Variants in TSKS observed in about 807,000 individuals in gnomAD.
The protein encoded by TSKS is testis specific serine kinase substrate.
Under a neutral mutation model 68.0 loss-of-function variants are expected in TSKS, and 27 were observed. The observed-to-expected ratio is 0.40, with a 90% CI of 0.29 to 0.55. The LOEUF is 0.55. Ranked by LOEUF, TSKS falls within the 20% of genes least tolerant of loss-of-function variation. The probability of loss-of-function intolerance (pLI) is 0.53; values close to 1 mark genes in which losing one functional copy is unlikely to be tolerated. For missense variants in TSKS, 806 were observed against 776.0 expected, an observed-to-expected ratio of 1.04 and a Z score of -0.46; for synonymous variants, 331 against 340.4, an observed-to-expected ratio of 0.97 and a Z score of 0.30.
At chr19:49,743,203 C>G (rs1600186962) in intron 8 of TSKS, among the ~76,000 whole-genome samples, 1 of 151,698 alleles carries the variant, frequency 6.6e-6, no homozygotes, top group Non-Finnish European at 1.5e-5. Flanking sequence ...CTCAGCCTCC[C>G]AAGTAGCTGG....
chr19:49,754,742 G>A (rs1317760193), intron 2 of TSKS, among the ~76,000 whole-genome samples: 1 of 152,066 alleles, frequency 6.6e-6, no homozygotes, highest in African/African-American at 2.4e-5. Flanking sequence ...AGAGAATAAT[G>A]TCTCACCAAA....
At chr19:49,743,493 C>CTTT (rs761657800) in intron 8 of TSKS, among the ~76,000 whole-genome samples, 207 of 103,874 alleles carry the variant, frequency 2.0e-3, no homozygotes, top group Non-Finnish European at 2.3e-3. Context: ...AAGTGAATTT[C>CTTT]TTTTTTTTTT....
chr19:49,748,117 C>A lies in TSKS; in HGVS notation c.547G>T (p.Glu183Ter). 1.9e-6 allele frequency: 3 copies of A among 1,614,222 alleles called. No individual in the cohort carries two copies. The highest frequency in any genetic ancestry group is 2.5e-6 in the Non-Finnish European group (3 of 1,180,040). ...TGAATGCAGTACCCCTCCAACTCTTCTGCCTCTTGCCGCCTTCTCTCCAGA... is the reference window on the plus strand; with the variant it reads ...TGAATGCAGTACCCCTCCAACTCTTATGCCTCTTGCCGCCTTCTCTCCAGA... ...ENLERRRQEA[E>*]ELEGYCIQLK... is the part of the protein sequence containing the mutation. Residue 183 changes from glutamate to a stop codon, truncating the protein, a stop_gained, in exon 4 of 11, where the codon GAA (glutamate) becomes TAA (stop). Transcript: ENST00000246801. LOFTEE classifies it high-confidence loss of function.
chr19:49,758,524 A>G (rs2084411970), intron 2 of TSKS, among the ~76,000 whole-genome samples: 1 of 152,154 alleles, frequency 6.6e-6, no homozygotes, highest in Admixed American at 6.5e-5. Context: ...AACGGCTGCA[A>G]GTGCTGCCTG....
chr19:49,747,560 A>G (rs1311689717), intron 4 of TSKS, 88 bp from the exon 5 acceptor site: 7 of 1,319,244 alleles, frequency 5.3e-6, no homozygotes, highest in Non-Finnish European at 7.6e-6. Context: ...TCCAGGCTCC[A>G]GGCCTCCTAG....
At chr19:49,743,237 C>A (rs10409377) in intron 8 of TSKS, among the ~76,000 whole-genome samples, 3,814 of 151,908 alleles carry the variant, frequency 0.025, 159 homozygotes, top group African/African-American at 0.088. Flanking sequence ...CACCACCACA[C>A]CCAGCTAATT....
rs1172408918 is a variant in TSKS, at chr19:49,746,724, C to T, written c.738G>A (p.Pro246=). ...PRRQEAELQE[P]EEKQEPEEKQ... ...TCTCCTCCGGCTCCTGCTTCTCCTCCGGCTCCTGCAGCTCGGCCTCCTGCC... is the reference window on the plus strand; with the variant it reads ...TCTCCTCCGGCTCCTGCTTCTCCTCTGGCTCCTGCAGCTCGGCCTCCTGCC... Residue 246 remains proline (P), a synonymous_variant, in exon 6 of 11, where the codon CCG becomes CCA. Transcript: ENST00000246801. 2 of 1,602,228 alleles carry T rather than the reference C, an allele frequency of 1.2e-6. No individual in the cohort carries two copies. The highest frequency in any genetic ancestry group is 8.5e-7 in the Non-Finnish European group (1 of 1,179,100).
intron 6 of TSKS, 83 bp from the exon 7 acceptor site, chr19:49,745,479 C>T: frequency 8.3e-7 from 1 of 1,199,784 alleles, no homozygotes; most frequent in South Asian, 1.7e-5. Context: ...TGGGACAGGA[C>T]TCACCTATCT....
At chr19:49,760,381 C>T (rs970140769) in intron 2 of TSKS, among the ~76,000 whole-genome samples, 5 of 150,326 alleles carry the variant, frequency 3.3e-5, no homozygotes, top group Non-Finnish European at 7.4e-5. Flanking sequence ...AGTGCAGTGG[C>T]GTGATCTCGG....
At chr19:49,759,647 C>CAAAAA (rs58074826) in intron 2 of TSKS, among the ~76,000 whole-genome samples, 1 of 112,664 alleles carries the variant, frequency 8.9e-6, no homozygotes, top group Non-Finnish European at 1.9e-5. Context: ...GACCCAGTCT[C>CAAAAA]AAAAAAAAAA....
chr19:49,761,330 C>T (rs1228205105), intron 2 of TSKS, among the ~76,000 whole-genome samples: 1 of 152,026 alleles, frequency 6.6e-6, no homozygotes, highest in Admixed American at 6.6e-5. Flanking sequence ...AGTTAAAGGA[C>T]CCATTTGTAA....
intron 4 of TSKS, among the ~76,000 whole-genome samples, chr19:49,747,751 C>G (rs2084314936): frequency 6.6e-6 from 1 of 152,316 alleles, no homozygotes; most frequent in East Asian, 1.9e-4. Flanking sequence ...CTCTGTCGGC[C>G]AGGCTGGAGT....
chr19:49,741,882 T>TA lies in TSKS; in HGVS notation c.1497+2dup. 1 of 1,614,166 alleles carries TA rather than the reference T, an allele frequency of 6.2e-7. No individual in the cohort carries two copies. The highest frequency in any genetic ancestry group is 8.5e-7 in the Non-Finnish European group (1 of 1,180,032). On this transcript the variant is annotated splice_region_variant and intron_variant, in intron 9 of 10. Transcript: ENST00000246801. ...GGACATGGTGGCCCATATTCCCTGG[T>TA]ACCAGAATCTTCTTGTGTAGCCTCT...
At chr19:49,742,134 T>C in intron 8 of TSKS, 114 bp from the exon 9 acceptor site, 1 of 1,200,818 alleles carries the variant, frequency 8.3e-7, no homozygotes, top group Non-Finnish European at 1.2e-6. Context: ...ATGCACCCTA[T>C]GCAACCTTCC....
chr19:49,745,245 C>G lies in TSKS; in HGVS notation c.1144G>C (p.Asp382His). 6.2e-7 allele frequency: 1 copy of G among 1,607,874 alleles called. No individual in the cohort carries two copies. The highest frequency in any genetic ancestry group is 8.5e-7 in the Non-Finnish European group (1 of 1,178,744). Residue 382 changes from aspartate to histidine, a missense_variant, in exon 7 of 11, where the codon GAC becomes CAC. Transcript: ENST00000246801. ...GCCCGACCTCGCAGCTCCTGCAAGT[C>G]CCGCGCCGTCTGTGCCTGTTCGCGC... is the stretch of plus-strand genomic sequence containing the variant. ...AQREQAQTAR[D>H]LQELRGRADE...
At chr19:49,748,018 C>T (rs186157106) in intron 4 of TSKS, 67 bp downstream of exon 4, 2 of 1,509,294 alleles carry the variant, frequency 1.3e-6, no homozygotes, top group Non-Finnish European at 9.2e-7. Flanking sequence ...CTCCTCCCCT[C>T]TTTCTCCCAC....
chr19:49,744,681 C>G (rs770242332), intron 7 of TSKS, among the ~76,000 whole-genome samples: 1 of 152,010 alleles, frequency 6.6e-6, no homozygotes, highest in South Asian at 2.1e-4. Flanking sequence ...CTCCTGGGCT[C>G]AAGCGATCAC....
At chr19:49,759,297 C>T (rs796955276) in intron 2 of TSKS, among the ~76,000 whole-genome samples, 14 of 151,516 alleles carry the variant, frequency 9.2e-5, no homozygotes, top group African/African-American at 3.1e-4. Flanking sequence ...GGTGAAACCC[C>T]GTCTCTACTA....
intron 2 of TSKS, 42 bp from the exon 3 acceptor site, chr19:49,748,511 G>A (rs1234940043): frequency 6.3e-7 from 1 of 1,580,454 alleles, no homozygotes; most frequent in African/African-American, 1.3e-5. Flanking sequence ...GGGTATGTGG[G>A]GGCAAGCCCC....
Sources: allele counts gnomAD v4.1 joint callset (sites outside exome capture counted in the v4.1 genomes callset), GRCh38; gene constraint gnomAD v4.1.1; transcripts MANE v1.5; gene names NCBI Gene and HGNC (gene_info 2026-07-23, HGNC 2026-07-21).